ZBTB42: variants seen among roughly 807,000 people sequenced by gnomAD.
ZBTB42 encodes zinc finger and BTB domain containing 42.
A neutral mutation model predicts 4.7 loss-of-function variants in ZBTB42; 3 were observed. The observed-to-expected ratio is 0.64, with a 90% CI of 0.29 to 1.66. ZBTB42 has a LOEUF of 1.66. ZBTB42 is among the 40% of genes most tolerant of loss of function. The pLI is 0.10. For synonymous variants in ZBTB42, 255 were observed against 259.5 expected, an observed-to-expected ratio of 0.98 and a Z score of 0.17; for missense variants, 521 against 577.1, an observed-to-expected ratio of 0.90 and a Z score of 1.00.
Position 104,801,278 on chromosome 14 carries a change from C to G in ZBTB42, c.81C>G (p.Thr27=). 1 of 1,539,312 alleles carries G rather than the reference C, an allele frequency of 6.5e-7. No individual in the cohort carries two copies. The highest frequency in any genetic ancestry group is 2.4e-5 in the East Asian group (1 of 40,828). ...QRELGFLCDC[T]VLVGDARFPA... is the part of the protein sequence containing the mutation. ...AGCTGGGCTTCCTATGCGACTGCAC[C>G]GTGCTGGTGGGCGACGCGCGCTTCC... is the stretch of plus-strand genomic sequence containing the variant. The change falls in exon 1 of 1, where the codon ACC becomes ACG. Residue 27 remains threonine (T), a synonymous_variant. Transcript: ENST00000342537. The surrounding 1 kb of genome is among the most constrained non-coding windows in gnomAD (Gnocchi z 4.4).
upstream of ZBTB42, chr14:104,800,742 C>CGCCCGCCG (rs1894020433): frequency 6.8e-6 from 1 of 146,962 alleles, no homozygotes; most frequent in Non-Finnish European, 1.5e-5. This position sits in a 1 kb window ranked among gnomAD's most constrained non-coding sequence, Gnocchi z 5.3. Context: ...CCGCCCCGCC[C>CGCCCGCCG]GCCCGCCGGC....
rs1012929851 is a variant in ZBTB42 at position 104,801,617 on chromosome 14, G to A, written c.420G>A (p.Pro140=). The A allele has an allele frequency of 2.5e-5, 39 of 1,549,950 alleles. No individual in the cohort carries two copies. The highest frequency in any genetic ancestry group is 3.3e-5 in the Non-Finnish European group (38 of 1,146,700). ...PAPGAEPAQP[P]CPWPVWTADL... ...CTGGGGCAGAACCTGCTCAGCCACC[G>A]TGCCCCTGGCCTGTCTGGACCGCGG... is the stretch of plus-strand genomic sequence containing the variant. The change falls in exon 1 of 1, where the codon CCG becomes CCA. Residue 140 remains proline (P), a synonymous_variant. Transcript: ENST00000342537. This position sits in a 1 kb window ranked among gnomAD's most constrained non-coding sequence, Gnocchi z 4.4.
At chr14:104,800,729 T>TGCCCGCCCC (rs896015547), upstream of ZBTB42, 3 of 145,056 alleles carry the variant, frequency 2.1e-5, no homozygotes, top group African/African-American at 5.0e-5. This position sits in a 1 kb window ranked among gnomAD's most constrained non-coding sequence, Gnocchi z 5.3. Context: ...CTCCCGGCTC[T>TGCCCGCCCC]GCCCGCCCCG....
chr14:104,800,738 CG>C (rs898049708), upstream of ZBTB42: 1 of 146,876 alleles, frequency 6.8e-6, no homozygotes, highest in Non-Finnish European at 1.5e-5. The surrounding 1 kb of genome is among the most constrained non-coding windows in gnomAD (Gnocchi z 5.3). Flanking sequence ...CTGCCCGCCC[CG>C]CCCGCCCGCC....
rs984585768 is a variant in ZBTB42, at chr14:104,802,161, A to G, written c.964A>G (p.Ser322Gly). ...HLSAHFRERD[S>G]TRARLSPDGV... ...CAGTGCCCACTTCCGTGAGCGAGAC[A>G]GCACCCGGGCCCGGCTCTCACCCGA... The change falls in exon 1 of 1, where the codon AGC (serine) becomes GGC (glycine). Residue 322 changes from serine (S) to glycine (G), a missense_variant. Transcript: ENST00000342537. The surrounding 1 kb of genome is among the most constrained non-coding windows in gnomAD (Gnocchi z 5.9). 6.5e-7 allele frequency: 1 copy of G among 1,547,960 alleles called. No homozygotes were observed. Among genetic ancestry groups the G allele is most frequent in the South Asian group, 1.2e-5 (1 of 84,040 alleles).
chr14:104,801,176 C>G lies in ZBTB42; in HGVS notation c.-22C>G, dbSNP rs1304911994. The stretch of plus-strand genomic sequence containing the variant: ...CGCGCTGACGGGCGTCCCGTTTGTG[C>G]CCAGGTGATGACGGCGGCGGCATGG... On this transcript the variant is annotated 5_prime_UTR_variant, in exon 1 of 1. Transcript: ENST00000342537. The surrounding 1 kb of genome is among the most constrained non-coding windows in gnomAD (Gnocchi z 4.4). 1 of 1,403,960 alleles carries G rather than the reference C, an allele frequency of 7.1e-7. No homozygotes were observed. Among genetic ancestry groups the G allele is most frequent in the East Asian group, 2.8e-5 (1 of 35,660 alleles). The allele number at this position is 1,403,960 out of a possible 1,614,324, so 87.0% of individuals were successfully genotyped here.
rs2141033525 is a variant in ZBTB42, at chr14:104,804,373, CA to C, written c.*1908del. Reference sequence around the variant, plus strand: ...AACACTGGATTTGTTGTCTTCTGCACAGCTACTGTGAAGATAACGTAAGGAG... The same window carrying C: ...AACACTGGATTTGTTGTCTTCTGCACGCTACTGTGAAGATAACGTAAGGAG... On this transcript the variant is annotated 3_prime_UTR_variant, in exon 1 of 1. Transcript: ENST00000342537. 1.2e-5 allele frequency: 2 copies of C among 166,992 alleles called. No individual in the cohort carries two copies. Among genetic ancestry groups the C allele is most frequent in the South Asian group, 4.1e-4 (2 of 4,830 alleles). 10.3% of individuals were successfully genotyped at this position (166,992 alleles called of 1,614,324 possible).
In ZBTB42 at chr14:104,801,827, C is replaced by T; in HGVS notation, c.630C>T (p.Pro210=). ...ACCCACCGTGCGTCCTCCAGACACCCCTCTGCAGCCAGAGGCAGCCAGGGG... is the reference window on the plus strand; with the variant it reads ...ACCCACCGTGCGTCCTCCAGACACCTCTCTGCAGCCAGAGGCAGCCAGGGG... The part of the protein sequence containing the change: ...RVHPPCVLQT[P]LCSQRQPGAQ... The change falls in exon 1 of 1, where the codon CCC becomes CCT. Residue 210 remains proline, a synonymous_variant. Transcript: ENST00000342537. This position sits in a 1 kb window ranked among gnomAD's most constrained non-coding sequence, Gnocchi z 4.4. 6.5e-7 allele frequency: 1 copy of T among 1,550,208 alleles called. No individual in the cohort carries two copies. The highest frequency in any genetic ancestry group is 1.4e-5 in the African/African-American group (1 of 73,188).
At position 104,803,805 on chromosome 14, in the gene ZBTB42, C is replaced by A. The variant is rs1894109427; in HGVS notation, c.*1339C>A. On this transcript the variant is annotated 3_prime_UTR_variant, in exon 1 of 1. Transcript: ENST00000342537. ...GAGCCACCTGGACGCCTGGAGACCA[C>A]CTGGGATGTTTCCTCTGTGACTGGG... 1 of 166,890 alleles carries A rather than the reference C, an allele frequency of 6.0e-6. No individual in the cohort carries two copies. Among genetic ancestry groups the A allele is most frequent in the Non-Finnish European group, 1.5e-5 (1 of 68,130 alleles). The allele number at this position is 166,890 out of a possible 1,614,324, so 10.3% of individuals were successfully genotyped here.
Position 104,803,077 on chromosome 14 carries a change from G to GT in ZBTB42, c.*611_*612insT, listed in dbSNP as rs1310440688. The stretch of plus-strand genomic sequence containing the variant: ...CACAGCTGGTGTCTCGGGGTGGGGG[G>GT]GGGGGTGCAGCCCCAGCAGGGATCC... On this transcript the variant is annotated 3_prime_UTR_variant, in exon 1 of 1. Coordinates refer to ENST00000342537, the MANE Select transcript of ZBTB42 (RefSeq NM_001137601.3). 5 of 148,036 alleles carry GT rather than the reference G, an allele frequency of 3.4e-5. No homozygotes were observed. Among genetic ancestry groups the GT allele is most frequent in the Admixed American group, 7.3e-5 (1 of 13,738 alleles). The allele number at this position is 148,036 out of a possible 1,614,324, so 9.2% of individuals were successfully genotyped here.
Position 104,802,477 on chromosome 14 carries a change from T to G in ZBTB42, c.*11T>G, listed in dbSNP as rs1894070028. 6.5e-7 allele frequency: 1 copy of G among 1,544,232 alleles called. No individual in the cohort carries two copies. The highest frequency in any genetic ancestry group is 1.4e-5 in the African/African-American group (1 of 73,076). On this transcript the variant is annotated 3_prime_UTR_variant, in exon 1 of 1. Coordinates refer to ENST00000342537, the MANE Select transcript of ZBTB42 (RefSeq NM_001137601.3). This position sits in a 1 kb window ranked among gnomAD's most constrained non-coding sequence, Gnocchi z 5.9. ...TCCCTTCTGGTGTGATGCATCCCTG[T>G]GGGTCCTGAGGGTGGGGTGGAAGGG...
chr14:104,803,580 G>A lies in ZBTB42; in HGVS notation c.*1114G>A, dbSNP rs1193399836. 3 of 166,930 alleles carry A rather than the reference G, an allele frequency of 1.8e-5. No individual in the cohort carries two copies. Among genetic ancestry groups the A allele is most frequent in the Non-Finnish European group, 4.4e-5 (3 of 68,170 alleles). The allele number at this position is 166,930 out of a possible 1,614,324, so 10.3% of individuals were successfully genotyped here. A position where few individuals can be genotyped will look rare whatever the true frequency, so the allele number is the denominator to read the frequency against. The stretch of plus-strand genomic sequence containing the variant: ...AAGTGGCCATGGCGGCAGGGTTAGG[G>A]GCAGGTGAGGAGTGGGAGTCGCAGC... On this transcript the variant is annotated 3_prime_UTR_variant, in exon 1 of 1. Transcript: ENST00000342537.
chr14:104,801,227 G>A lies in ZBTB42; in HGVS notation c.30G>A (p.Leu10=). The A allele has an allele frequency of 6.8e-7, 1 of 1,462,120 alleles. No homozygotes were observed. The allele number at this position is 1,462,120 out of a possible 1,614,324, so 90.6% of individuals were successfully genotyped here. Residue 10 remains leucine (L), a synonymous_variant, in exon 1 of 1, where the codon CTG becomes CTA. Transcript: ENST00000342537. This position sits in a 1 kb window ranked among gnomAD's most constrained non-coding sequence, Gnocchi z 4.4. ...AGTTCCCTGAGCACGGCGGACGGCT[G>A]CTGGGCCGCCTGAGACAGCAGCGCG... MEFPEHGGR[L]LGRLRQQREL...
At chr14:104,800,893 A>C, upstream of ZBTB42, 3 of 202,860 alleles carry the variant, frequency 1.5e-5, no homozygotes, top group Non-Finnish European at 2.0e-5. This position sits in a 1 kb window ranked among gnomAD's most constrained non-coding sequence, Gnocchi z 5.3. Flanking sequence ...GGACGCCGCG[A>C]GCGGGCGGCC....
rs2141031166 is a variant in ZBTB42, at chr14:104,801,992, C to T, written c.795C>T (p.Pro265=). 1 of 1,505,750 alleles carries T rather than the reference C, an allele frequency of 6.6e-7. No individual in the cohort carries two copies. The highest frequency in any genetic ancestry group is 8.9e-7 in the Non-Finnish European group (1 of 1,127,690). 93.3% of individuals were successfully genotyped at this position (1,505,750 alleles called of 1,614,324 possible). The change falls in exon 1 of 1, where the codon CCC becomes CCT. Residue 265 remains proline (P), a synonymous_variant. Coordinates refer to ENST00000342537, the MANE Select transcript of ZBTB42 (RefSeq NM_001137601.3). The surrounding 1 kb of genome is among the most constrained non-coding windows in gnomAD (Gnocchi z 4.4). Reference sequence around the variant, plus strand: ...TGGTGGTGGGCTTGCAGCCGCTGCCCCTCAGCGGAGAGGGCAGCCGGGAGC... The same window carrying T: ...TGGTGGTGGGCTTGCAGCCGCTGCCTCTCAGCGGAGAGGGCAGCCGGGAGC... ...KGLVVGLQPL[P]LSGEGSRELE...
rs534668840 is a variant in ZBTB42, at chr14:104,802,637, T to A, written c.*171T>A. On this transcript the variant is annotated 3_prime_UTR_variant, in exon 1 of 1. Coordinates refer to ENST00000342537, the MANE Select transcript of ZBTB42 (RefSeq NM_001137601.3). This position sits in a 1 kb window ranked among gnomAD's most constrained non-coding sequence, Gnocchi z 5.9. ...CTCTTCCTGGAACTTGGCCTCAGAC[T>A]CGGTAACTTGGGCAGCCTTCCTCCC... 28 of 1,033,446 alleles carry A rather than the reference T, an allele frequency of 2.7e-5. No homozygotes were observed. The African/African-American group carries it at 4.0e-4, about 15-fold the overall frequency. The allele number at this position is 1,033,446 out of a possible 1,614,324, so 64.0% of individuals were successfully genotyped here.
rs1894080570 is a variant in ZBTB42 at position 104,802,839 on chromosome 14, G to A, written c.*373G>A. On this transcript the variant is annotated 3_prime_UTR_variant, in exon 1 of 1. Coordinates refer to ENST00000342537, the MANE Select transcript of ZBTB42 (RefSeq NM_001137601.3). This position sits in a 1 kb window ranked among gnomAD's most constrained non-coding sequence, Gnocchi z 5.9. ...TGTGAGATGGCACATCCATCTCCCGGCCCGGGACTTTCCTGACCACCTCTC... is the reference window on the plus strand; with the variant it reads ...TGTGAGATGGCACATCCATCTCCCGACCCGGGACTTTCCTGACCACCTCTC... The A allele has an allele frequency of 6.4e-6, 2 of 310,184 alleles. No homozygotes were observed. Among genetic ancestry groups the A allele is most frequent in the African/African-American group, 4.4e-5 (2 of 45,946 alleles). 19.2% of individuals were successfully genotyped at this position (310,184 alleles called of 1,614,324 possible).
rs1368607213 is a variant in ZBTB42 at position 104,802,228 on chromosome 14, C to G, written c.1031C>G (p.Ser344Trp). ...TGCCCGCTCTGTGGGAAGACCTTCT[C>G]GTGCACATACACACTGAAGAGGCAC... Reference protein sequence around the residue: ...PTCPLCGKTFSCTYTLKRHER... With the variant: ...PTCPLCGKTFWCTYTLKRHER... Residue 344 changes from serine (S) to tryptophan (W), a missense_variant, in exon 1 of 1, where the codon TCG becomes TGG. Ser to Trp is a radical substitution (Grantham distance 177). Coordinates refer to ENST00000342537, the MANE Select transcript of ZBTB42 (RefSeq NM_001137601.3). This position sits in a 1 kb window ranked among gnomAD's most constrained non-coding sequence, Gnocchi z 5.9. The G allele has an allele frequency of 6.5e-7, 1 of 1,550,180 alleles. No homozygotes were observed. The highest frequency in any genetic ancestry group is 8.7e-7 in the Non-Finnish European group (1 of 1,146,864).
In ZBTB42 at chr14:104,802,216, G is replaced by C; in HGVS notation, c.1019G>C (p.Gly340Ala). The change falls in exon 1 of 1, where the codon GGG (glycine) becomes GCG (alanine). Residue 340 changes from glycine to alanine, a missense_variant. Coordinates refer to ENST00000342537, the MANE Select transcript of ZBTB42 (RefSeq NM_001137601.3). The surrounding 1 kb of genome is among the most constrained non-coding windows in gnomAD (Gnocchi z 5.9). ...DGVAPTCPLC[G>A]KTFSCTYTLK... The stretch of plus-strand genomic sequence containing the variant: ...GTGGCACCCACCTGCCCGCTCTGTG[G>C]GAAGACCTTCTCGTGCACATACACA... 6.5e-7 allele frequency: 1 copy of C among 1,550,142 alleles called. No homozygotes were observed.
Sources: gnomAD v4.1 joint callset for allele counts on GRCh38, gnomAD v4.1.1 for gene constraint, Gnocchi (gnomAD v3.1) non-coding constraint, MANE v1.5 for transcripts, NCBI Gene and HGNC (gene_info 2026-07-23, HGNC 2026-07-21) for gene names.